KAZN: variants seen among roughly 807,000 people sequenced by gnomAD.
KAZN encodes kazrin, periplakin interacting protein, also known as kazrin.
KAZN carries 40 observed loss-of-function variants against 87.4 expected under a neutral mutation model. That is an observed-to-expected ratio of 0.46 (90% CI 0.36 to 0.60). The LOEUF is 0.60. KAZN is among the 20% of genes least tolerant of loss of function. KAZN has a pLI of 0.00. For missense variants in KAZN, 898 were observed against 1,073.9 expected, an observed-to-expected ratio of 0.84 and a Z score of 2.29; for synonymous variants, 466 against 458.3, an observed-to-expected ratio of 1.02 and a Z score of -0.22.
At chr1:14,064,365 G>A (rs1036336154) in intron 1 of KAZN, among the ~76,000 whole-genome samples, 3 of 152,144 alleles carry the variant, frequency 2.0e-5, no homozygotes, top group African/African-American at 7.2e-5. Flanking sequence ...ACCGTCACCA[G>A]AAAAGGCACG....
chr1:15,060,049 C>A, intron 5 of KAZN, 123 bp from the exon 6 acceptor site: 1 of 1,292,494 alleles, frequency 7.7e-7, no homozygotes, highest in Non-Finnish European at 1.1e-6. Flanking sequence ...CAAGTCTCTT[C>A]CCTTCTCTAC....
intron 2 of KAZN, among the ~76,000 whole-genome samples, chr1:14,213,972 A>G (rs530315440): frequency 1.3e-5 from 2 of 152,358 alleles, no homozygotes; most frequent in East Asian, 3.9e-4. Flanking sequence ...GCCACTTACC[A>G]AGAGTGAAGA....
At chr1:14,365,936 C>T (rs767521164) in intron 2 of KAZN, among the ~76,000 whole-genome samples, 2 of 152,212 alleles carry the variant, frequency 1.3e-5, no homozygotes, top group Non-Finnish European at 2.9e-5. Flanking sequence ...CCCAGCAGAT[C>T]TTTCTGATGA....
chr1:14,737,923 T>G (rs1423897972), intron 1 of KAZN, among the ~76,000 whole-genome samples: 1 of 151,112 alleles, frequency 6.6e-6, no homozygotes, highest in Non-Finnish European at 1.5e-5. Context: ...ACCTGGATGC[T>G]TTTTTTAAAT....
At chr1:14,701,871 C>T (rs1049057288) in intron 1 of KAZN, among the ~76,000 whole-genome samples, 2 of 152,174 alleles carry the variant, frequency 1.3e-5, no homozygotes, top group African/African-American at 4.8e-5. Flanking sequence ...GCTGCATTTC[C>T]TTACGCACTT....
intron 2 of KAZN, among the ~76,000 whole-genome samples, chr1:14,478,280 A>G (rs1668880583): frequency 6.7e-6 from 1 of 149,376 alleles, no homozygotes; most frequent in Admixed American, 6.6e-5. Flanking sequence ...GAAGAAAGGA[A>G]GGAAGGAAGG....
rs1012837509 is a variant in KAZN, at chr1:14,089,609, C to T, written c.92-90826C>T. 3.9e-5 allele frequency among the ~76,000 whole-genome samples: 6 copies of T among 152,184 alleles called. No individual in the cohort carries two copies. The East Asian group carries it at 1.2e-3, about 29-fold the overall frequency. On this transcript the variant is annotated intron_variant, in intron 1 of 16. Coordinates refer to the KAZN transcript ENST00000636203. Reference sequence around the variant, plus strand: ...TGCTACTGTTATCATTCATTTTACACTGCATGTGGTCTAAACTCCACAGTA... The same window carrying T: ...TGCTACTGTTATCATTCATTTTACATTGCATGTGGTCTAAACTCCACAGTA...
At chr1:15,041,137 T>C (rs1313317848) in intron 3 of KAZN, among the ~76,000 whole-genome samples, 3 of 150,648 alleles carry the variant, frequency 2.0e-5, no homozygotes, top group East Asian at 2.0e-4. Context: ...TTTTTTTTTT[T>C]TTTTAGTAGA....
chr1:14,523,813 C>T (rs143470115), intron 2 of KAZN, among the ~76,000 whole-genome samples: 97 of 152,258 alleles, frequency 6.4e-4, no homozygotes, highest in African/African-American at 1.7e-3. Context: ...GTGCTGGTGG[C>T]CACAGGAAGG....
At chr1:14,492,159 C>T (rs1669683162) in intron 2 of KAZN, among the ~76,000 whole-genome samples, 1 of 152,134 alleles carries the variant, frequency 6.6e-6, no homozygotes, top group Non-Finnish European at 1.5e-5. Flanking sequence ...GGGAAACTGG[C>T]CAGGCTGTCC....
At chr1:14,261,141 G>T (rs1321085480) in intron 2 of KAZN, among the ~76,000 whole-genome samples, 2 of 152,180 alleles carry the variant, frequency 1.3e-5, no homozygotes, top group African/African-American at 4.8e-5. Flanking sequence ...AAAAAAGTAG[G>T]GTGGGGAATT....
chr1:14,898,470 G>A (rs960144178), intron 1 of KAZN, among the ~76,000 whole-genome samples: 1 of 152,206 alleles, frequency 6.6e-6, no homozygotes, highest in African/African-American at 2.4e-5. Context: ...CGTCTGGTCA[G>A]CAGATAGGGG....
At chr1:14,454,274 A>G (rs1667444291) in intron 2 of KAZN, among the ~76,000 whole-genome samples, 1 of 152,238 alleles carries the variant, frequency 6.6e-6, no homozygotes, top group Non-Finnish European at 1.5e-5. Context: ...AGAACATAAA[A>G]GAAAAAATGA....
At chr1:15,091,272 T>C (rs978500503) in intron 8 of KAZN, among the ~76,000 whole-genome samples, 9 of 152,234 alleles carry the variant, frequency 5.9e-5, no homozygotes, top group Non-Finnish European at 1.2e-4. Flanking sequence ...TATATAATAA[T>C]TATACACTTT....
intron 1 of KAZN, among the ~76,000 whole-genome samples, chr1:14,660,988 A>G (rs147729663): frequency 2.0e-5 from 3 of 152,300 alleles, no homozygotes; most frequent in Non-Finnish European, 4.4e-5. Context: ...CTGAAGTCGC[A>G]GAATAACGTC....
intron 1 of KAZN, among the ~76,000 whole-genome samples, chr1:14,896,247 G>T (rs1206945786): frequency 6.6e-6 from 1 of 152,054 alleles, no homozygotes; most frequent in Non-Finnish European, 1.5e-5. Flanking sequence ...TAGAGACAGG[G>T]TTTCACCATG....
Position 15,114,569 on chromosome 1 carries a change from C to T in KAZN, c.2262C>T (p.Asp754=). The T allele has an allele frequency of 4.4e-6, 7 of 1,606,678 alleles. No homozygotes were observed. The highest frequency in any genetic ancestry group is 5.9e-6 in the Non-Finnish European group (7 of 1,176,530). ...SLQNEDCGDD[D]PQSRLEQCRL... ...AAAACGAAGATTGCGGAGACGATGA[C>T]CCCCAGAGCAGGCTGGAACAGTGCC... Residue 754 remains aspartate, a synonymous_variant, in exon 15 of 15, where the codon GAC becomes GAT. Transcript: ENST00000376030.
chr1:13,936,095 A>ATTTTTTTTTTT (rs1557731876), intron 1 of KAZN, among the ~76,000 whole-genome samples: 18 of 32,894 alleles, frequency 5.5e-4, no homozygotes, highest in South Asian at 2.3e-3. Context: ...GTACAAGTGC[A>ATTTTTTTTTTT]GTTTTTTTTT....
At chr1:14,176,592 T>C (rs1646080865) in intron 1 of KAZN, among the ~76,000 whole-genome samples, 1 of 152,112 alleles carries the variant, frequency 6.6e-6, no homozygotes, top group South Asian at 2.1e-4. Context: ...CCTTCTCTGT[T>C]TTAGCCAAGC....
Sources: gnomAD v4.1 joint callset for allele counts (sites outside exome capture counted in the v4.1 genomes callset) on GRCh38, gnomAD v4.1.1 for gene constraint, MANE v1.5 for transcripts, NCBI Gene and HGNC (gene_info 2026-07-23, HGNC 2026-07-21) for gene names.